Variants in WWOX observed in about 807,000 individuals in gnomAD.
WWOX encodes the protein WW domain-containing oxidoreductase.
In WWOX, 69 loss-of-function variants were observed where a neutral mutation model predicts 46.2. That is an observed-to-expected ratio of 1.49 (90% CI 1.23 to 1.82). The LOEUF (loss-of-function observed/expected upper bound fraction) is 1.82. WWOX is among the 40% of genes most tolerant of loss of function. The pLI, the probability that WWOX is intolerant of heterozygous loss-of-function variation, is 0.00. For missense variants in WWOX, 919 were observed against 542.6 expected, an observed-to-expected ratio of 1.69 and a Z score of -6.89; for synonymous variants, 359 against 202.6, an observed-to-expected ratio of 1.77 and a Z score of -6.56.
At chr16:78,293,041 T>C (rs904350306) in intron 5 of WWOX, among the ~76,000 whole-genome samples, 2 of 152,218 alleles carry the variant, frequency 1.3e-5, no homozygotes, top group African/African-American at 4.8e-5. Flanking sequence ...TGGCCTGACC[T>C]GTCAACCACT....
chr16:78,118,877 T>G (rs2032950348), intron 4 of WWOX: 1 of 152,166 alleles, frequency 6.6e-6, no homozygotes, highest in Non-Finnish European at 1.5e-5. Flanking sequence ...CCCGCCTTTT[T>G]TTTAGGCAGC....
At chr16:78,732,519 C>G (rs2048992940) in intron 8 of WWOX, among the ~76,000 whole-genome samples, 1 of 152,116 alleles carries the variant, frequency 6.6e-6, no homozygotes, top group Admixed American at 6.5e-5. Flanking sequence ...AAATTGCTGA[C>G]CCACAGAATT....
chr16:78,992,902 AT>A lies in WWOX; in HGVS notation c.1057-218705del, dbSNP rs1474619324. 2.0e-5 allele frequency among the ~76,000 whole-genome samples: 3 copies of A among 152,006 alleles called. No individual in the cohort carries two copies. The South Asian group carries it at 6.2e-4, about 32-fold the overall frequency. On this transcript the variant is annotated intron_variant, in intron 8 of 8. Transcript: ENST00000566780. Reference sequence around the variant, plus strand: ...CCGCAAATTTCCAATTTTTTAGTTTATGAAAAAATATATCTACGTATAATTT... The same window carrying A: ...CCGCAAATTTCCAATTTTTTAGTTTAGAAAAAATATATCTACGTATAATTT...
At chr16:78,858,609 A>G (rs540102018) in intron 8 of WWOX, among the ~76,000 whole-genome samples, 170 of 152,182 alleles carry the variant, frequency 1.1e-3, no homozygotes, top group Non-Finnish European at 2.0e-3. Flanking sequence ...TTAGGAGCTG[A>G]GAAGGCTTTG....
chr16:79,017,051 G>A (rs187766555), intron 8 of WWOX: 1 of 152,252 alleles, frequency 6.6e-6, no homozygotes, highest in African/African-American at 2.4e-5. Context: ...TGAGCACTGA[G>A]TGTAACTCCA....
At chr16:78,117,474 G>A (rs2032857295) in intron 4 of WWOX, among the ~76,000 whole-genome samples, 1 of 151,956 alleles carries the variant, frequency 6.6e-6, no homozygotes, top group Admixed American at 6.6e-5. Context: ...CAAGTTCCAG[G>A]CAATCAAAAA....
chr16:78,548,761 A>T (rs142411904), intron 8 of WWOX, among the ~76,000 whole-genome samples: 10 of 152,298 alleles, frequency 6.6e-5, no homozygotes, highest in Admixed American at 6.5e-4. Flanking sequence ...ACTTAGTGTA[A>T]TGGTTTAGTT....
intron 8 of WWOX, among the ~76,000 whole-genome samples, chr16:78,814,746 A>G (rs544438139): frequency 6.6e-6 from 1 of 152,218 alleles, no homozygotes; most frequent in Non-Finnish European, 1.5e-5. Flanking sequence ...AACTAATGTG[A>G]CATGGCAGTG....
At chr16:78,920,894 T>C (rs1281200851) in intron 8 of WWOX, among the ~76,000 whole-genome samples, 1 of 152,222 alleles carries the variant, frequency 6.6e-6, no homozygotes, top group East Asian at 1.9e-4. Context: ...GATTCCAATT[T>C]TTAAAAACTG....
At chr16:78,425,082 C>G (rs746406815) in intron 7 of WWOX, 27 bp downstream of exon 7, 4 of 1,611,922 alleles carry the variant, frequency 2.5e-6, no homozygotes, top group East Asian at 4.5e-5. Context: ...TATTTGTTCA[C>G]TTATCCCCTT....
intron 8 of WWOX, among the ~76,000 whole-genome samples, chr16:79,141,620 A>C (rs2050090506): frequency 6.6e-6 from 1 of 152,220 alleles, no homozygotes; most frequent in Non-Finnish European, 1.5e-5. Flanking sequence ...TCCTCCAAAG[A>C]AGTTTGGGGT....
At chr16:78,575,597 G>A (rs888512741) in intron 8 of WWOX, among the ~76,000 whole-genome samples, 8 of 152,104 alleles carry the variant, frequency 5.3e-5, no homozygotes, top group Admixed American at 3.9e-4. Flanking sequence ...CTTAAGTCGT[G>A]CATTTGACGC....
At chr16:78,663,448 G>A (rs1297080070) in intron 8 of WWOX, among the ~76,000 whole-genome samples, 1 of 151,952 alleles carries the variant, frequency 6.6e-6, no homozygotes, top group African/African-American at 2.4e-5. Flanking sequence ...CCACTTTCTG[G>A]CTATTATGAA....
At chr16:78,533,559 G>T (rs2043682948) in intron 8 of WWOX, among the ~76,000 whole-genome samples, 1 of 152,172 alleles carries the variant, frequency 6.6e-6, no homozygotes, top group African/African-American at 2.4e-5. Context: ...TTCAAGAGGG[G>T]CTTGAGCATT....
intron 5 of WWOX, among the ~76,000 whole-genome samples, chr16:78,385,491 C>A (rs557025627): frequency 6.6e-6 from 1 of 152,172 alleles, no homozygotes; most frequent in Admixed American, 6.5e-5. Flanking sequence ...AACTGAGGCT[C>A]AACAGTGTTA....
chr16:78,657,255 G>A (rs1000586634), intron 8 of WWOX, among the ~76,000 whole-genome samples: 2 of 151,838 alleles, frequency 1.3e-5, no homozygotes, highest in African/African-American at 4.8e-5. Flanking sequence ...CCCTTGCCTG[G>A]GGTGAGTGAA....
intron 8 of WWOX, among the ~76,000 whole-genome samples, chr16:78,596,292 C>T (rs16948178): frequency 1.3e-5 from 2 of 152,256 alleles, no homozygotes; most frequent in African/African-American, 4.8e-5. Context: ...TTTTGAGATC[C>T]TGTCTGGCTG....
At chr16:78,993,728 G>C (rs1400842497) in intron 8 of WWOX, among the ~76,000 whole-genome samples, 2 of 152,142 alleles carry the variant, frequency 1.3e-5, no homozygotes, top group Non-Finnish European at 2.9e-5. Flanking sequence ...CAATCTGCCT[G>C]GTGCTAATAT....
At chr16:79,117,893 G>C (rs1176858898) in intron 8 of WWOX, among the ~76,000 whole-genome samples, 3 of 152,192 alleles carry the variant, frequency 2.0e-5, no homozygotes, top group African/African-American at 4.8e-5. Context: ...TTTGGCTTCA[G>C]GGAATGTTGT....
Sources: gnomAD v4.1 joint callset for allele counts (sites outside exome capture counted in the v4.1 genomes callset) on GRCh38, gnomAD v4.1.1 for gene constraint, MANE v1.5 for transcripts, NCBI Gene and HGNC (gene_info 2026-07-23, HGNC 2026-07-21) for gene names.